Variants in PDE1C observed in about 807,000 individuals in gnomAD.
PDE1C encodes phosphodiesterase 1C.
In PDE1C, 62 loss-of-function variants were observed where a neutral mutation model predicts 93.1. That is an observed-to-expected ratio of 0.67 (90% confidence interval 0.54 to 0.82). PDE1C has a LOEUF of 0.82. Ranked by LOEUF, PDE1C falls within the 40% of genes least tolerant of loss-of-function variation. The pLI is 0.00. For missense variants in PDE1C, 742 were observed against 884.6 expected (o/e 0.84, Z 2.04); for synonymous variants, 325 against 310.1 (o/e 1.05, Z -0.50).
intron 1 of PDE1C, among the ~76,000 whole-genome samples, chr7:32,229,015 G>C (rs1274962910): frequency 6.6e-6 from 1 of 152,194 alleles, no homozygotes; most frequent in Admixed American, 6.5e-5. Context: ...CAAGCTGACA[G>C]GATGTGCTTC....
At chr7:31,959,871 AT>A (rs1042687854) in intron 2 of PDE1C, among the ~76,000 whole-genome samples, 88 of 146,698 alleles carry the variant, frequency 6.0e-4, no homozygotes, top group East Asian at 1.0e-3. Context: ...CGACTTGCTA[AT>A]TTTTTTTTTT....
upstream of PDE1C, chr7:32,070,478 CA>C: frequency 6.4e-7 from 1 of 1,569,206 alleles, no homozygotes; most frequent in Non-Finnish European, 8.6e-7. Flanking sequence ...TCGCGATGCC[CA>C]GCCAGGCGCG....
chr7:32,176,209 A>T (rs188144069), intron 2 of PDE1C, among the ~76,000 whole-genome samples: 1 of 152,282 alleles, frequency 6.6e-6, no homozygotes, highest in East Asian at 1.9e-4. Context: ...TATGTAATGG[A>T]TTGCTATGCC....
At chr7:32,266,785 G>C (rs1443609062) in intron 1 of PDE1C, among the ~76,000 whole-genome samples, 1 of 151,662 alleles carries the variant, frequency 6.6e-6, no homozygotes, top group Non-Finnish European at 1.5e-5. Flanking sequence ...AGGGGGCAGT[G>C]CAAAGACAGA....
chr7:31,655,880 C>T, the PDE1C span: 3 of 985,552 alleles, frequency 3.0e-6, no homozygotes, highest in Non-Finnish European at 3.6e-6. Context: ...TGAAGAGGAA[C>T]ACCTGGCTCT....
intron 16 of PDE1C, among the ~76,000 whole-genome samples, chr7:31,802,891 T>C (rs1442699370): frequency 6.6e-6 from 1 of 151,756 alleles, no homozygotes; most frequent in African/African-American, 2.4e-5. Flanking sequence ...TTTGTGCAGT[T>C]TTCCTTATAT....
At chr7:31,965,687 A>G in intron 2 of PDE1C, among the ~76,000 whole-genome samples, 1 of 152,206 alleles carries the variant, frequency 6.6e-6, no homozygotes, top group Non-Finnish European at 1.5e-5. Context: ...TGAAAGAAAA[A>G]ATGTTAAGGG....
At chr7:32,161,072 G>A (rs974219649) in intron 3 of PDE1C, among the ~76,000 whole-genome samples, 2 of 152,110 alleles carry the variant, frequency 1.3e-5, no homozygotes, top group Non-Finnish European at 2.9e-5. Context: ...TAGGAGGTTC[G>A]TGAGCTAAAC....
the PDE1C span, among the ~76,000 whole-genome samples, chr7:31,740,943 C>T: frequency 1.4e-4 from 21 of 152,008 alleles, no homozygotes; most frequent in African/African-American, 4.3e-4. Flanking sequence ...ATGGTACATG[C>T]CTGTAGTCCC....
chr7:32,185,361 C>T (rs977149181), intron 2 of PDE1C, among the ~76,000 whole-genome samples: 11 of 151,854 alleles, frequency 7.2e-5, no homozygotes, highest in South Asian at 2.1e-4. Flanking sequence ...TTTGCAGTGC[C>T]AGTAATTCTA....
chr7:31,620,808 C>T, the PDE1C span, among the ~76,000 whole-genome samples: 2 of 152,030 alleles, frequency 1.3e-5, no homozygotes, highest in African/African-American at 4.8e-5. Context: ...GATCAAACTA[C>T]AAGCTACAGG....
intron 2 of PDE1C, among the ~76,000 whole-genome samples, chr7:32,019,146 GT>G (rs1195346395): frequency 2.0e-5 from 2 of 102,458 alleles, no homozygotes; most frequent in South Asian, 3.4e-4. Flanking sequence ...ACATTATGTT[GT>G]TTTAAAAAAA....
chr7:31,874,746 A>G (rs2128867548), intron 5 of PDE1C, among the ~76,000 whole-genome samples: 1 of 152,390 alleles, frequency 6.6e-6, no homozygotes, highest in South Asian at 2.1e-4. Flanking sequence ...CTGCCCCTCC[A>G]TTAAAATAAC....
At chr7:32,083,643 A>G (rs533005402) in intron 3 of PDE1C, among the ~76,000 whole-genome samples, 9 of 152,376 alleles carry the variant, frequency 5.9e-5, no homozygotes, top group African/African-American at 2.2e-4. Flanking sequence ...TCAGACTAAC[A>G]GCAGATCTCT....
intron 3 of PDE1C, among the ~76,000 whole-genome samples, chr7:32,121,893 G>A (rs953240082): frequency 6.6e-6 from 1 of 152,058 alleles, no homozygotes; most frequent in Non-Finnish European, 1.5e-5. Context: ...AATATAAATG[G>A]GCTAAATGCC....
chr7:32,014,236 GC>G (rs1394565373), intron 2 of PDE1C, among the ~76,000 whole-genome samples: 1 of 152,132 alleles, frequency 6.6e-6, no homozygotes, highest in Admixed American at 6.6e-5. Context: ...AAACTCACAT[GC>G]CAAAGGTATT....
chr7:31,690,243 T>C, the PDE1C span, among the ~76,000 whole-genome samples: 43 of 152,244 alleles, frequency 2.8e-4, no homozygotes, highest in Non-Finnish European at 4.6e-4. Flanking sequence ...TCTAGCGTGG[T>C]AGATAGACAA....
At chr7:32,045,855 C>G (rs1172459425) in intron 2 of PDE1C, among the ~76,000 whole-genome samples, 1 of 152,196 alleles carries the variant, frequency 6.6e-6, no homozygotes, top group Admixed American at 6.5e-5. Flanking sequence ...CGCCTTCCCT[C>G]CCTTCACATG....
At chr7:32,297,995 CT>C (rs1428130627) in intron 1 of PDE1C, among the ~76,000 whole-genome samples, 4 of 37,640 alleles carry the variant, frequency 1.1e-4, no homozygotes, top group African/African-American at 3.9e-4. Flanking sequence ...CTCTCTCTCT[CT>C]CCTCTCTCTC....
Sources: allele counts gnomAD v4.1 joint callset (sites outside exome capture counted in the v4.1 genomes callset), GRCh38; gene constraint gnomAD v4.1.1; transcripts MANE v1.5; gene names NCBI Gene and HGNC (gene_info 2026-07-23, HGNC 2026-07-21).